Variants in ATP6V1B2 observed in about 807,000 individuals in gnomAD.
ATP6V1B2 encodes the protein ATPase H+ transporting V1 subunit B2.
Under a neutral mutation model 66.7 loss-of-function variants are expected in ATP6V1B2, and 23 were observed. The observed-to-expected ratio is 0.34, with a 90% CI of 0.25 to 0.49. The LOEUF is 0.49. ATP6V1B2 is among the 20% of genes least tolerant of loss of function. ATP6V1B2 has a pLI of 0.99. For synonymous variants in ATP6V1B2, 278 were observed against 236.7 expected (o/e 1.17, Z -1.60); for missense variants, 478 against 650.8 (o/e 0.73, Z 2.89).
At chr8:20,214,672 T>G in intron 9 of ATP6V1B2, 146 bp from the exon 10 acceptor site, 1 of 912,094 alleles carries the variant, frequency 1.1e-6, no homozygotes, top group Non-Finnish European at 1.5e-6. Context: ...TGCCGGGAGA[T>G]TTTTCTAAAT....
At chr8:20,207,008 A>G (rs771186989) in intron 2 of ATP6V1B2, among the ~76,000 whole-genome samples, 8 of 152,210 alleles carry the variant, frequency 5.3e-5, no homozygotes, top group Admixed American at 2.0e-4. Flanking sequence ...ACAATTAGAA[A>G]CAAGGTAGCA....
At chr8:20,209,626 T>C (rs1472778784) in intron 3 of ATP6V1B2, 95 bp downstream of exon 3, 4 of 1,124,262 alleles carry the variant, frequency 3.6e-6, no homozygotes, top group Non-Finnish European at 5.2e-6. Context: ...CATAAGTGTT[T>C]TTAGAGTCTT....
chr8:20,218,704 A>G (rs1029040319), intron 13 of ATP6V1B2, among the ~76,000 whole-genome samples: 2 of 152,042 alleles, frequency 1.3e-5, no homozygotes, highest in African/African-American at 4.8e-5. Flanking sequence ...TAGTAATCCA[A>G]AAAGCTCAGT....
chr8:20,197,979 C>G (rs1435655931), intron 1 of ATP6V1B2, among the ~76,000 whole-genome samples: 2 of 152,246 alleles, frequency 1.3e-5, no homozygotes, highest in African/African-American at 4.8e-5. Context: ...TCAACTCCTG[C>G]GGAGGGCAGA....
chr8:20,208,929 G>A (rs921239870), intron 2 of ATP6V1B2, among the ~76,000 whole-genome samples: 1 of 151,826 alleles, frequency 6.6e-6, no homozygotes, highest in Non-Finnish European at 1.5e-5. Flanking sequence ...GGCTGGTCTC[G>A]AACTCCTGAC....
At chr8:20,207,372 C>T (rs1441594983) in intron 2 of ATP6V1B2, among the ~76,000 whole-genome samples, 1 of 151,920 alleles carries the variant, frequency 6.6e-6, no homozygotes, top group African/African-American at 2.4e-5. Flanking sequence ...ATTGGTTTCC[C>T]ATATAAAAAT....
chr8:20,210,533 G>A (rs781457951), intron 4 of ATP6V1B2, 36 bp from the exon 5 acceptor site: 8 of 1,610,030 alleles, frequency 5.0e-6, no homozygotes, highest in Non-Finnish European at 5.9e-6. Context: ...TTGAAAGTCA[G>A]CATCTACTCT....
chr8:20,207,053 A>G (rs2072746236), intron 2 of ATP6V1B2, among the ~76,000 whole-genome samples: 1 of 152,244 alleles, frequency 6.6e-6, no homozygotes. Flanking sequence ...GTTTACAAAA[A>G]TTTTTAGTGT....
At chr8:20,207,842 C>T (rs539310773) in intron 2 of ATP6V1B2, among the ~76,000 whole-genome samples, 1 of 151,998 alleles carries the variant, frequency 6.6e-6, no homozygotes, top group Non-Finnish European at 1.5e-5. Context: ...TATAAAACTT[C>T]TATAAATGAA....
chr8:20,199,031 G>C (rs2072656829), intron 1 of ATP6V1B2, among the ~76,000 whole-genome samples: 1 of 152,114 alleles, frequency 6.6e-6, no homozygotes, highest in African/African-American at 2.4e-5. Flanking sequence ...TCTCAAAAAA[G>C]GTTATAAAGG....
chr8:20,199,795 G>A lies in ATP6V1B2; in HGVS notation c.136+2253G>A, dbSNP rs570595260. Among the ~76,000 whole-genome samples the A allele has an allele frequency of 2.6e-5, 4 of 152,064 alleles. No individual in the cohort carries two copies. The South Asian group carries it at 8.3e-4, about 32-fold the overall frequency. On this transcript the variant is annotated intron_variant, in intron 1 of 13. Transcript: ENST00000276390. ...CCGGCTAATTTTTTGTATTTTAGTA[G>A]AGACGGGATTTCACCGTGTTTCCCA...
At chr8:20,207,818 T>C (rs1312091785) in intron 2 of ATP6V1B2, among the ~76,000 whole-genome samples, 2 of 152,008 alleles carry the variant, frequency 1.3e-5, no homozygotes, top group Non-Finnish European at 2.9e-5. Context: ...GTACAAGGAT[T>C]AATATAGAGA....
chr8:20,204,216 C>G, intron 1 of ATP6V1B2: 1 of 446,474 alleles, frequency 2.2e-6, no homozygotes, highest in East Asian at 4.4e-5. Flanking sequence ...CAGAGTCTTT[C>G]CCTCTGTGTC....
intron 10 of ATP6V1B2, 74 bp downstream of exon 10, chr8:20,215,042 T>C: frequency 6.9e-7 from 1 of 1,442,528 alleles, no homozygotes; most frequent in Non-Finnish European, 9.3e-7. Flanking sequence ...CCTTTTCGAG[T>C]TGAAGTTATT....
At chr8:20,211,822 C>A in intron 7 of ATP6V1B2, 69 bp downstream of exon 7, 1 of 1,251,502 alleles carries the variant, frequency 8.0e-7, no homozygotes, top group African/African-American at 1.5e-5. Flanking sequence ...TTGTAGTAAG[C>A]TGTACATATA....
chr8:20,214,683 C>T, intron 9 of ATP6V1B2, 135 bp from the exon 10 acceptor site: 1 of 984,552 alleles, frequency 1.0e-6, no homozygotes, highest in Non-Finnish European at 1.3e-6. Context: ...TTTTCTAAAT[C>T]ATTCTTAAGG....
chr8:20,214,520 C>G (rs961494630), intron 9 of ATP6V1B2: 1 of 206,674 alleles, frequency 4.8e-6, no homozygotes, highest in African/African-American at 2.3e-5. Flanking sequence ...TTAAAATTAA[C>G]TTCCTTTGAT....
rs751677284 is a variant in ATP6V1B2 at position 20,214,790 on chromosome 8, G to T, written c.928-28G>T. 111 of 1,592,878 alleles carry T rather than the reference G, an allele frequency of 7.0e-5. No homozygotes were observed. The South Asian group carries it at 1.2e-3, about 18-fold the overall frequency. ...GCAAGCTTGTTGTAATATCGTGCATGATACTCTTCTGCTTGACCTGCTGTC... is the reference window on the plus strand; with the variant it reads ...GCAAGCTTGTTGTAATATCGTGCATTATACTCTTCTGCTTGACCTGCTGTC... On this transcript the variant is annotated intron_variant, in intron 9 of 13. Coordinates refer to ENST00000276390, the MANE Select transcript of ATP6V1B2 (RefSeq NM_001693.4).
At chr8:20,211,075 C>G (rs758498014) in intron 5 of ATP6V1B2, 102 bp from the exon 6 acceptor site, 18 of 1,448,688 alleles carry the variant, frequency 1.2e-5, no homozygotes, top group Non-Finnish European at 1.7e-5. Flanking sequence ...TAGTTCTGGT[C>G]TTCTGGTGCT....
Sources: allele counts gnomAD v4.1 joint callset (sites outside exome capture counted in the v4.1 genomes callset), GRCh38; gene constraint gnomAD v4.1.1; transcripts MANE v1.5; gene names NCBI Gene and HGNC (gene_info 2026-07-23, HGNC 2026-07-21).